The following EYS variants were observed in gnomAD, a reference collection of about 807,000 sequenced individuals.
The protein encoded by EYS is EGF-like photoreceptor maintenance factor.
In EYS, 250 loss-of-function variants were observed where a neutral mutation model predicts 282.1. The ratio of observed to expected loss-of-function variants is 0.89; its 90% CI spans 0.80 to 0.98. The LOEUF (loss-of-function observed/expected upper bound fraction) is 0.98, where lower values mean the gene tolerates loss of function less well. Among genes scored for constraint, EYS ranks in the 50% least tolerant of loss-of-function variants. The probability of loss-of-function intolerance (pLI) is 0.00; values close to 1 mark genes in which losing one functional copy is unlikely to be tolerated. For missense variants in EYS, 4,016 were observed against 3,709.0 expected (o/e 1.08, Z -2.15); for synonymous variants, 1,355 against 1,282.9 (o/e 1.06, Z -1.20).
intron 35 of EYS, among the ~76,000 whole-genome samples, chr6:63,962,439 A>T (rs1445188488): frequency 1.3e-5 from 2 of 152,214 alleles, no homozygotes; most frequent in Non-Finnish European, 2.9e-5. Flanking sequence ...CCCATCAAAA[A>T]GTGGGCAAAG....
At chr6:65,581,995 C>T (rs1764887996) in intron 2 of EYS, among the ~76,000 whole-genome samples, 1 of 151,442 alleles carries the variant, frequency 6.6e-6, no homozygotes, top group Middle Eastern at 3.2e-3. Context: ...TGAGACCAGC[C>T]TGGATAGCAT....
intron 35 of EYS, among the ~76,000 whole-genome samples, chr6:63,970,944 A>G (rs972508692): frequency 1.3e-5 from 2 of 152,262 alleles, no homozygotes; most frequent in Non-Finnish European, 2.9e-5. Flanking sequence ...AATGAGGAAA[A>G]TAGTAAGATG....
intron 14 of EYS, among the ~76,000 whole-genome samples, chr6:64,984,638 T>C (rs1218327943): frequency 6.6e-6 from 1 of 151,610 alleles, no homozygotes; most frequent in Non-Finnish European, 1.5e-5. Context: ...CTATACATTA[T>C]TGATAGACGA....
At chr6:65,544,024 G>A (rs1429791448) in intron 2 of EYS, among the ~76,000 whole-genome samples, 6 of 136,078 alleles carry the variant, frequency 4.4e-5, no homozygotes, top group South Asian at 2.3e-4. Context: ...GTGTGTGTGT[G>A]TGTGTGAGAG....
At chr6:65,308,022 G>A (rs1383674524) in intron 11 of EYS, among the ~76,000 whole-genome samples, 4 of 144,620 alleles carry the variant, frequency 2.8e-5, no homozygotes, top group Admixed American at 2.1e-4. Flanking sequence ...ATCCAGGCTG[G>A]AGTGCAGTGG....
chr6:64,519,378 G>T (rs954466050), intron 26 of EYS, among the ~76,000 whole-genome samples: 1 of 151,788 alleles, frequency 6.6e-6, no homozygotes, highest in Non-Finnish European at 1.5e-5. Flanking sequence ...TTGATATAGA[G>T]ATTTGCCTGC....
chr6:65,508,654 C>T (rs1288366676), intron 2 of EYS, among the ~76,000 whole-genome samples: 1 of 126,958 alleles, frequency 7.9e-6, no homozygotes, highest in Non-Finnish European at 1.6e-5. Flanking sequence ...CAGAGCAAGA[C>T]TCCATCTCAA....
At chr6:65,620,269 T>C (rs1357769966) in intron 2 of EYS, among the ~76,000 whole-genome samples, 1 of 152,202 alleles carries the variant, frequency 6.6e-6, no homozygotes, top group South Asian at 2.1e-4. Flanking sequence ...AGCTTCTTCC[T>C]GGTTTAGTCT....
At chr6:64,289,281 T>C (rs1768614049) in intron 30 of EYS, among the ~76,000 whole-genome samples, 1 of 152,124 alleles carries the variant, frequency 6.6e-6, no homozygotes, top group Admixed American at 6.6e-5. Flanking sequence ...CAGGCATTCC[T>C]TCTTTTATAA....
intron 33 of EYS, among the ~76,000 whole-genome samples, chr6:64,041,507 C>A (rs1001690663): frequency 6.6e-5 from 10 of 152,060 alleles, no homozygotes; most frequent in Non-Finnish European, 1.5e-4. Flanking sequence ...AAAAGAGAAT[C>A]CAGAAAATGT....
At chr6:65,485,316 G>C (rs1765748644) in intron 5 of EYS, among the ~76,000 whole-genome samples, 1 of 152,202 alleles carries the variant, frequency 6.6e-6, no homozygotes, top group South Asian at 2.1e-4. Flanking sequence ...GTCTTCTGAT[G>C]ATGAGCTAGG....
intron 36 of EYS, among the ~76,000 whole-genome samples, chr6:63,861,357 G>T (rs1402084249): frequency 2.6e-5 from 4 of 152,120 alleles, no homozygotes; most frequent in Admixed American, 1.3e-4. Context: ...CATCCCCACT[G>T]CCATTGCCCT....
chr6:65,620,405 G>C (rs1007877489), intron 2 of EYS, among the ~76,000 whole-genome samples: 9 of 151,114 alleles, frequency 6.0e-5, no homozygotes, highest in South Asian at 2.1e-4. Context: ...GTGATATCCC[G>C]TTTATCATTT....
At chr6:64,412,372 T>G (rs1159060850) in intron 28 of EYS, among the ~76,000 whole-genome samples, 2 of 152,128 alleles carry the variant, frequency 1.3e-5, no homozygotes, top group African/African-American at 4.8e-5. Context: ...TAATGAAGAA[T>G]GAGGACTCAG....
Position 64,833,179 on chromosome 6 carries a change from T to C in EYS, c.2993-10357A>G, listed in dbSNP as rs559289150. On this transcript the variant is annotated intron_variant, in intron 19 of 42. Coordinates refer to ENST00000503581, the MANE Select transcript of EYS (RefSeq NM_001142800.2). ...TATTTCACTTATATGTACATCACAA[T>C]CTTTACATGGTAAAGTATTTCAGTA... Among the ~76,000 whole-genome samples, 8 of 152,032 alleles carry C rather than the reference T, an allele frequency of 5.3e-5. No individual in the cohort carries two copies. The South Asian group carries it at 1.0e-3, about 20-fold the overall frequency.
At chr6:64,471,115 G>A (rs1776110029) in intron 26 of EYS, among the ~76,000 whole-genome samples, 1 of 152,138 alleles carries the variant, frequency 6.6e-6, no homozygotes, top group Non-Finnish European at 1.5e-5. Context: ...ATAAGGGTAG[G>A]AGAGACTGGG....
At chr6:63,872,477 G>GTTTTTTTTTT (rs3041455) in intron 35 of EYS, among the ~76,000 whole-genome samples, 2 of 119,396 alleles carry the variant, frequency 1.7e-5, no homozygotes, top group African/African-American at 3.3e-5. Context: ...CCTAAATATG[G>GTTTTTTTTTT]TTTTTTTTTT....
chr6:64,252,632 T>C (rs937406464), intron 30 of EYS, among the ~76,000 whole-genome samples: 1 of 152,198 alleles, frequency 6.6e-6, no homozygotes, highest in Non-Finnish European at 1.5e-5. Context: ...AGGAGTCTCA[T>C]GTCTAATCTC....
chr6:64,343,636 C>A (rs904860259), intron 29 of EYS, among the ~76,000 whole-genome samples: 3 of 152,018 alleles, frequency 2.0e-5, no homozygotes, highest in Admixed American at 6.6e-5. Context: ...CCTACCATCA[C>A]AATTAAAAGA....
Sources: gnomAD v4.1 joint callset for allele counts (sites outside exome capture counted in the v4.1 genomes callset) on GRCh38, gnomAD v4.1.1 for gene constraint, MANE v1.5 for transcripts, NCBI Gene and HGNC (gene_info 2026-07-23, HGNC 2026-07-21) for gene names.